The following BRF1 variants were observed in gnomAD, a reference collection of about 807,000 sequenced individuals.
BRF1 encodes the protein transcription factor IIIB 90 kDa subunit.
In BRF1, 59 loss-of-function variants were observed where a neutral mutation model predicts 81.7. The observed-to-expected ratio is 0.72, with a 90% confidence interval of 0.59 to 0.90. The LOEUF is 0.90. BRF1 is among the 40% of genes least tolerant of loss of function. The probability of loss-of-function intolerance (pLI) is 0.00; values close to 1 mark genes in which losing one functional copy is unlikely to be tolerated. For missense variants in BRF1, 1,050 were observed against 936.3 expected, an observed-to-expected ratio of 1.12 and a Z score of -1.58; for synonymous variants, 491 against 395.6, an observed-to-expected ratio of 1.24 and a Z score of -2.86.
chr14:105,267,308 C>CT (rs769487018), intron 3 of BRF1, among the ~76,000 whole-genome samples: 2,082 of 145,418 alleles, frequency 0.014, 41 homozygotes, highest in African/African-American at 0.043. Flanking sequence ...GAAATGGCAA[C>CT]TTTTTTTTTT....
intron 15 of BRF1, among the ~76,000 whole-genome samples, chr14:105,214,614 C>T (rs1398596825): frequency 2.0e-5 from 3 of 151,478 alleles, no homozygotes; most frequent in African/African-American, 7.2e-5. Context: ...GACGCAGGAC[C>T]AGGGGCAGGT....
Position 105,274,998 on chromosome 14 carries a change from GTCC to G in BRF1, c.266-2107_266-2105del, listed in dbSNP as rs587656968. On this transcript the variant is annotated intron_variant, in intron 2 of 17. Transcript: ENST00000547530. The stretch of plus-strand genomic sequence containing the variant: ...GCATCCTCTGGCACCCAAACCCACA[GTCC>G]TCCTGCAAAGACTACCTGAGGCGGC... Among the ~76,000 whole-genome samples the G allele has an allele frequency of 8.4e-4, 128 of 152,340 alleles. 4 individuals are homozygous for G. Among genetic ancestry groups the G allele is most frequent in the Admixed American group, 7.3e-3 (112 of 15,304 alleles).
At chr14:105,215,852 GCA>G (rs756067845) in intron 15 of BRF1, among the ~76,000 whole-genome samples, 185 of 97,512 alleles carry the variant, frequency 1.9e-3, no homozygotes, top group South Asian at 0.017. Flanking sequence ...ACAGACACAG[GCA>G]CACACACACA....
chr14:105,215,806 TAC>T (rs1444795000), intron 15 of BRF1, among the ~76,000 whole-genome samples: 1 of 106,960 alleles, frequency 9.3e-6, no homozygotes, highest in Admixed American at 1.1e-4. Flanking sequence ...ACACACTGCA[TAC>T]ACAGGCACAC....
intron 5 of BRF1, chr14:105,249,401 C>G: frequency 6.2e-7 from 1 of 1,613,404 alleles, no homozygotes; most frequent in South Asian, 1.1e-5. Flanking sequence ...ATGCCATGTT[C>G]TACGGAGACC....
In BRF1 at chr14:105,315,093, G is replaced by GC; in HGVS notation, c.-162+228dup. 1 of 1,038,870 alleles carries GC rather than the reference G, an allele frequency of 9.6e-7. No individual in the cohort carries two copies. The highest frequency in any genetic ancestry group is 1.2e-6 in the Non-Finnish European group (1 of 857,724). The allele number at this position is 1,038,870 out of a possible 1,614,324, so 64.4% of individuals were successfully genotyped here. A position where few individuals can be genotyped will look rare whatever the true frequency, so the allele number is the denominator to read the frequency against. On this transcript the variant is annotated intron_variant, in intron 1 of 17. Coordinates refer to the BRF1 transcript ENST00000327359. The surrounding 1 kb of genome is among the most constrained non-coding windows in gnomAD (Gnocchi z 4.4). ...CCGGGCACCTGCTGGGGGTGTCCTGGCCGCGGCCTCTGCGCGCCCCATCCC... is the reference window on the plus strand; with the variant it reads ...CCGGGCACCTGCTGGGGGTGTCCTGGCCCGCGGCCTCTGCGCGCCCCATCCC...
chr14:105,281,325 C>G (rs1211222171), intron 2 of BRF1, among the ~76,000 whole-genome samples: 4 of 137,398 alleles, frequency 2.9e-5, no homozygotes, highest in East Asian at 2.2e-4. Flanking sequence ...GTGGATACAG[C>G]CTGCGTGATC....
intron 15 of BRF1, among the ~76,000 whole-genome samples, chr14:105,214,099 G>A (rs929563255): frequency 6.6e-6 from 1 of 152,226 alleles, no homozygotes; most frequent in African/African-American, 2.4e-5. Context: ...CCCTCTCGCA[G>A]CCGCGCCAGC....
intron 6 of BRF1, 81 bp from the exon 7 acceptor site, chr14:105,228,994 G>A (rs1476335017): frequency 6.2e-6 from 8 of 1,289,028 alleles, no homozygotes; most frequent in Non-Finnish European, 9.0e-6. Flanking sequence ...CAACACTGCG[G>A]ATCCCGGTCA....
chr14:105,213,993 G>A (rs1890601664), intron 15 of BRF1, among the ~76,000 whole-genome samples: 1 of 152,218 alleles, frequency 6.6e-6, no homozygotes, highest in African/African-American at 2.4e-5. Flanking sequence ...CTCGGCCATG[G>A]CTTTGGCCTG....
At chr14:105,219,392 G>A in intron 12 of BRF1, 160 bp from the exon 13 acceptor site, 1 of 1,419,216 alleles carries the variant, frequency 7.0e-7, no homozygotes, top group South Asian at 1.4e-5. Flanking sequence ...TCATCGCGCG[G>A]GGCGAGTTGG....
chr14:105,247,880 T>C, intron 5 of BRF1: 1 of 985,580 alleles, frequency 1.0e-6, no homozygotes, highest in Non-Finnish European at 1.2e-6. Context: ...CAGTGCCCCA[T>C]GCCACGCACC....
chr14:105,272,189 G>C (rs1007421613), intron 3 of BRF1, among the ~76,000 whole-genome samples: 1 of 136,448 alleles, frequency 7.3e-6, no homozygotes, highest in Non-Finnish European at 1.6e-5. Context: ...ACACCGCTGA[G>C]GGTCGGCGGC....
At chr14:105,211,457 C>G in intron 16 of BRF1, 164 bp from the exon 17 acceptor site, 2 of 621,206 alleles carry the variant, frequency 3.2e-6, no homozygotes, top group Non-Finnish European at 5.5e-6. Context: ...CCCTTCTGGC[C>G]TCCTGGGGGC....
At chr14:105,219,418 T>A (rs1314178934) in intron 12 of BRF1, 186 bp from the exon 13 acceptor site, 1 of 1,339,310 alleles carries the variant, frequency 7.5e-7, no homozygotes, top group Non-Finnish European at 9.9e-7. Flanking sequence ...TGTTGCTCTG[T>A]GGCCTGTCCC....
At position 105,210,444 on chromosome 14, in the gene BRF1, G is replaced by C. The variant is rs1346633306; in HGVS notation, c.*107C>G. 1.6e-6 allele frequency: 2 copies of C among 1,273,346 alleles called. No homozygotes were observed. Among genetic ancestry groups the C allele is most frequent in the South Asian group, 1.3e-5 (1 of 77,810 alleles). The allele number at this position is 1,273,346 out of a possible 1,614,324, so 78.9% of individuals were successfully genotyped here. On this transcript the variant is annotated 3_prime_UTR_variant, in exon 18 of 18. Transcript: ENST00000547530. The surrounding 1 kb of genome is among the most constrained non-coding windows in gnomAD (Gnocchi z 4.7). ...GTGGGACAGGTGCCACCTGTCACCA[G>C]GAGTCTCGGCGCTGGGGCCTGCCTG...
At chr14:105,226,578 G>C in intron 8 of BRF1, 56 bp downstream of exon 8, 1 of 1,607,368 alleles carries the variant, frequency 6.2e-7, no homozygotes, top group Admixed American at 1.7e-5. Context: ...CGGGGTGTGT[G>C]GCTTCCCCCC....
intron 1 of BRF1, among the ~76,000 whole-genome samples, chr14:105,307,539 C>A (rs587709684): frequency 6.6e-6 from 1 of 152,240 alleles, no homozygotes; most frequent in South Asian, 2.1e-4. Flanking sequence ...CTTTCAAAGG[C>A]GGTTGTCTCT....
At chr14:105,261,073 A>C (rs587770184) in intron 3 of BRF1, among the ~76,000 whole-genome samples, 36 of 152,346 alleles carry the variant, frequency 2.4e-4, no homozygotes, top group African/African-American at 5.3e-4. Flanking sequence ...ATCAGAAAAA[A>C]GTCTGCAGAG....
Sources: gnomAD v4.1 joint callset for allele counts (sites outside exome capture counted in the v4.1 genomes callset) on GRCh38, gnomAD v4.1.1 for gene constraint, Gnocchi (gnomAD v3.1) non-coding constraint, MANE v1.5 for transcripts, NCBI Gene and HGNC (gene_info 2026-07-23, HGNC 2026-07-21) for gene names.